The following HM13 variants were observed in gnomAD, a reference collection of about 807,000 sequenced individuals.
The protein encoded by HM13 is signal peptide peptidase.
In HM13, 18 loss-of-function variants were observed where a neutral mutation model predicts 50.0. The observed-to-expected ratio is 0.36, with a 90% CI of 0.25 to 0.53. The LOEUF (loss-of-function observed/expected upper bound fraction) is 0.53, where lower values mean the gene tolerates loss of function less well. Ranked by LOEUF, HM13 falls within the 20% of genes least tolerant of loss-of-function variation. HM13 has a pLI of 0.90. For synonymous variants in HM13, 197 were observed against 232.6 expected, an observed-to-expected ratio of 0.85 and a Z score of 1.39; for missense variants, 393 against 552.4, an observed-to-expected ratio of 0.71 and a Z score of 2.89.
At chr20:31,566,350 G>T (rs563895381) in intron 11 of HM13, 55 bp downstream of exon 11, 2 of 1,423,706 alleles carry the variant, frequency 1.4e-6, no homozygotes, top group Non-Finnish European at 2.0e-6. Flanking sequence ...CCTGCTGGCA[G>T]TCAGTGGAAC....
intron 3 of HM13, chr20:31,540,091 T>C (rs1983351011): frequency 6.6e-6 from 1 of 152,338 alleles, no homozygotes; most frequent in Admixed American, 6.5e-5. Context: ...GGCCCAGGGT[T>C]ACACAGCTGA....
chr20:31,553,220 C>T (rs1444829353), intron 7 of HM13, among the ~76,000 whole-genome samples: 2 of 143,598 alleles, frequency 1.4e-5, no homozygotes, highest in African/African-American at 5.1e-5. Context: ...CACTTGAACC[C>T]GGGAGGCAGA....
At chr20:31,567,577 C>T (rs1178362899) in intron 11 of HM13, 1 of 151,832 alleles carries the variant, frequency 6.6e-6, no homozygotes, top group African/African-American at 2.4e-5. Flanking sequence ...TTACTTTTCC[C>T]TTCTATTCTC....
chr20:31,529,949 C>T (rs1483583570), intron 2 of HM13, among the ~76,000 whole-genome samples: 1 of 151,450 alleles, frequency 6.6e-6, no homozygotes, highest in Non-Finnish European at 1.5e-5. Context: ...CCTGGCGACA[C>T]AGCGAGACTC....
chr20:31,547,288 G>C (rs956739789), intron 4 of HM13: 39 of 246,400 alleles, frequency 1.6e-4, no homozygotes, highest in Admixed American at 1.3e-3. Context: ...GGAACAGCGG[G>C]CCAAGCGCAG....
intron 1 of HM13, among the ~76,000 whole-genome samples, chr20:31,521,321 C>A (rs1344867752): frequency 1.3e-5 from 2 of 152,220 alleles, no homozygotes; most frequent in African/African-American, 2.4e-5. Flanking sequence ...GGGTCTGGAA[C>A]TGGACTGCCT....
chr20:31,519,996 C>T (rs2122536572), intron 1 of HM13, among the ~76,000 whole-genome samples: 1 of 151,904 alleles, frequency 6.6e-6, no homozygotes, highest in South Asian at 2.1e-4. Context: ...TACAGGATTA[C>T]AGGCGCGCAC....
chr20:31,529,464 C>T (rs961644208), intron 2 of HM13, among the ~76,000 whole-genome samples: 4 of 152,194 alleles, frequency 2.6e-5, no homozygotes, highest in Admixed American at 1.3e-4. Context: ...AGGCTGGTCT[C>T]GAACTCCTGG....
intron 2 of HM13, among the ~76,000 whole-genome samples, chr20:31,534,423 CAG>C (rs1456838335): frequency 6.6e-6 from 1 of 152,006 alleles, no homozygotes; most frequent in Non-Finnish European, 1.5e-5. Flanking sequence ...TGTTAGGGCT[CAG>C]GGTAGTACAA....
chr20:31,531,509 G>C (rs1292122938), intron 2 of HM13, among the ~76,000 whole-genome samples: 2 of 151,692 alleles, frequency 1.3e-5, no homozygotes, highest in African/African-American at 2.4e-5. Flanking sequence ...TGATCCTCCC[G>C]TCTCAGCCTC....
At chr20:31,538,708 T>C in intron 3 of HM13, 1 of 984,004 alleles carries the variant, frequency 1.0e-6, no homozygotes, top group Non-Finnish European at 1.2e-6. Context: ...ACTACCTTAC[T>C]TTGAGTCCAG....
intron 7 of HM13, 164 bp from the exon 8 acceptor site, chr20:31,554,582 T>G (rs1984205628): frequency 1.8e-6 from 1 of 562,252 alleles, no homozygotes; most frequent in East Asian, 3.1e-5. Context: ...CTTGGGAGGC[T>G]GAGGCGGGAG....
intron 2 of HM13, among the ~76,000 whole-genome samples, chr20:31,536,407 TC>T (rs1983109403): frequency 6.6e-6 from 1 of 151,468 alleles, no homozygotes; most frequent in Non-Finnish European, 1.5e-5. Flanking sequence ...CTAGAATCCT[TC>T]CACTGCTCAT....
intron 2 of HM13, among the ~76,000 whole-genome samples, chr20:31,531,237 G>GT: frequency 6.6e-6 from 1 of 152,078 alleles, no homozygotes; most frequent in South Asian, 2.1e-4. Flanking sequence ...TAGAGACGGG[G>GT]TTTCACCTTG....
At chr20:31,526,781 T>G (rs1982516691) in intron 1 of HM13, among the ~76,000 whole-genome samples, 1 of 152,258 alleles carries the variant, frequency 6.6e-6, no homozygotes, top group Non-Finnish European at 1.5e-5. Flanking sequence ...GTCTGTCTTG[T>G]TTGTTGTTAA....
intron 12 of HM13, 77 bp downstream of exon 12, chr20:31,568,301 C>A: frequency 6.4e-7 from 1 of 1,559,606 alleles, no homozygotes; most frequent in South Asian, 1.2e-5. Context: ...CACTGCAGCT[C>A]CAGTGCATAG....
intron 3 of HM13, among the ~76,000 whole-genome samples, chr20:31,542,252 C>T (rs1983488317): frequency 6.6e-6 from 1 of 152,240 alleles, no homozygotes; most frequent in Non-Finnish European, 1.5e-5. Context: ...CACCAAGATT[C>T]AAACCCAAGA....
chr20:31,533,641 C>T (rs555725220), intron 2 of HM13, among the ~76,000 whole-genome samples: 10 of 152,194 alleles, frequency 6.6e-5, no homozygotes, highest in Non-Finnish European at 1.3e-4. Context: ...CTTTCTTGCC[C>T]TCCTCTACTC....
rs116584522 is a variant in HM13, at chr20:31,514,728, C to T, written c.177C>T (p.Arg59=). 8.2e-4 allele frequency: 1,252 copies of T among 1,533,116 alleles called. 8 individuals are homozygous for T. The African/African-American group carries it at 0.011, about 14-fold the overall frequency. 95.0% of individuals were successfully genotyped at this position (1,533,116 alleles called of 1,614,324 possible). ...FGALRSVRCA[R]GKNASDMPET... ...CCCTGCGCTCCGTACGCTGCGCCCG[C>T]GGCAAGGTAGGGTCAGCGGGAAAAC... is the stretch of plus-strand genomic sequence containing the variant. The change falls in exon 1 of 13, where the codon CGC becomes CGT. Residue 59 remains arginine (R), a synonymous_variant. Coordinates refer to ENST00000398174, the MANE Select transcript of HM13 (RefSeq NM_178581.3). The surrounding 1 kb of genome is among the most constrained non-coding windows in gnomAD (Gnocchi z 4.3).
Sources: gnomAD v4.1 joint callset for allele counts (sites outside exome capture counted in the v4.1 genomes callset) on GRCh38, gnomAD v4.1.1 for gene constraint, Gnocchi (gnomAD v3.1) non-coding constraint, MANE v1.5 for transcripts, NCBI Gene and HGNC (gene_info 2026-07-23, HGNC 2026-07-21) for gene names.